Variants in FAM13C observed in about 807,000 individuals in gnomAD.
FAM13C encodes the protein family with sequence similarity 13 member C.
FAM13C carries 37 observed loss-of-function variants against 73.2 expected under a neutral mutation model. The ratio of observed to expected loss-of-function variants is 0.51; its 90% CI spans 0.39 to 0.67. The LOEUF (loss-of-function observed/expected upper bound fraction) is 0.67, where lower values mean the gene tolerates loss of function less well. FAM13C is among the 30% of genes least tolerant of loss of function. The pLI, the probability that FAM13C is intolerant of heterozygous loss-of-function variation, is 0.00. For missense variants in FAM13C, 589 were observed against 715.6 expected (o/e 0.82, Z 2.02); for synonymous variants, 246 against 260.9 (o/e 0.94, Z 0.55).
At position 59,263,112 on chromosome 10, in the gene FAM13C, G is replaced by T. The variant is rs180834702; in HGVS notation, c.1025-467C>A. Among the ~76,000 whole-genome samples the T allele has an allele frequency of 2.0e-5, 3 of 152,340 alleles. 1 individual carries two copies. The highest frequency in any genetic ancestry group is 2.0e-4 in the Admixed American group (3 of 15,302). On this transcript the variant is annotated intron_variant, in intron 9 of 13. Transcript: ENST00000618804. Reference sequence around the variant, plus strand: ...ATACAGGAGAGGATGGGAAAGGGTAGATGGGAGTGTCAGCCTCAACATGAC... The same window carrying T: ...ATACAGGAGAGGATGGGAAAGGGTATATGGGAGTGTCAGCCTCAACATGAC...
chr10:59,312,412 A>G (rs1428379836), intron 4 of FAM13C, among the ~76,000 whole-genome samples: 1 of 152,108 alleles, frequency 6.6e-6, no homozygotes, highest in Non-Finnish European at 1.5e-5. Context: ...TCTTCCCTCC[A>G]TCTTCATTGT....
At chr10:59,266,238 CGCA>C (rs1843049950) in intron 8 of FAM13C, among the ~76,000 whole-genome samples, 6 of 152,256 alleles carry the variant, frequency 3.9e-5, no homozygotes, top group Admixed American at 3.9e-4. Context: ...GTGTGGCTGA[CGCA>C]GCCTTTTCTT....
chr10:59,286,589 G>C (rs1014702904), intron 5 of FAM13C, among the ~76,000 whole-genome samples: 1 of 148,052 alleles, frequency 6.8e-6, no homozygotes, highest in South Asian at 2.2e-4. Context: ...CTGGTGCTGG[G>C]GGGTGGGACA....
In FAM13C at chr10:59,254,416, T is replaced by C; in HGVS notation, c.1264A>G (p.Lys422Glu). ...KVTKQDKNLI[K>E]PLYDRYRIIK... ...ATTCTGTATCGGTCATAAAGCGGCT[T>C]TATGAGGTTCTTGTCTTGCTTAGTT... is the stretch of plus-strand genomic sequence containing the variant. Residue 422 changes from lysine (K) to glutamate (E), a missense_variant, in exon 11 of 14, where the codon AAG becomes GAG. Coordinates refer to ENST00000618804, the MANE Select transcript of FAM13C (RefSeq NM_198215.4). The C allele has an allele frequency of 6.4e-7, 1 of 1,552,428 alleles. No homozygotes were observed. The highest frequency in any genetic ancestry group is 8.7e-7 in the Non-Finnish European group (1 of 1,148,314).
chr10:59,339,134 G>A (rs948064009), intron 3 of FAM13C, among the ~76,000 whole-genome samples: 2 of 152,014 alleles, frequency 1.3e-5, no homozygotes, highest in African/African-American at 2.4e-5. Flanking sequence ...GTCTCTCTGT[G>A]TCTGCTCCTC....
chr10:59,252,238 C>T (rs1339570691), intron 12 of FAM13C, among the ~76,000 whole-genome samples: 1 of 152,124 alleles, frequency 6.6e-6, no homozygotes, highest in Non-Finnish European at 1.5e-5. Flanking sequence ...TATACACAAG[C>T]ATACCCAAAC....
At chr10:59,285,833 G>A (rs1170139456) in intron 5 of FAM13C, among the ~76,000 whole-genome samples, 2 of 152,208 alleles carry the variant, frequency 1.3e-5, no homozygotes, top group African/African-American at 4.8e-5. Flanking sequence ...AAGGCCATGT[G>A]AGAAGGCAGC....
intron 2 of FAM13C, 84 bp from the exon 3 acceptor site, chr10:59,352,558 T>C (rs1434845223): frequency 3.6e-6 from 5 of 1,381,570 alleles, no homozygotes; most frequent in Non-Finnish European, 3.8e-6. Context: ...GAGATATTCA[T>C]TGCTGCTATA....
chr10:59,362,633 C>T, upstream of FAM13C: 1 of 1,413,514 alleles, frequency 7.1e-7, no homozygotes, highest in Admixed American at 2.8e-5. Context: ...CCCAGCGGCA[C>T]GGGCGAACCA....
At chr10:59,362,295 G>T in intron 1 of FAM13C, 104 bp downstream of exon 1, 2 of 1,453,726 alleles carry the variant, frequency 1.4e-6, no homozygotes, top group Non-Finnish European at 9.4e-7. Flanking sequence ...GGGAGACAAT[G>T]CATCTAAAAC....
intron 4 of FAM13C, among the ~76,000 whole-genome samples, chr10:59,321,798 T>G (rs1332202880): frequency 2.0e-5 from 3 of 152,182 alleles, no homozygotes; most frequent in Non-Finnish European, 2.9e-5. Context: ...TTCTGAAGAC[T>G]GACTACTCCT....
At chr10:59,355,758 A>G in intron 2 of FAM13C, 129 bp downstream of exon 2, 1 of 951,174 alleles carries the variant, frequency 1.1e-6, no homozygotes, top group Non-Finnish European at 1.6e-6. Context: ...GTAAAAATCT[A>G]GTAGAAGAGA....
intron 3 of FAM13C, among the ~76,000 whole-genome samples, chr10:59,338,605 T>C (rs371542204): frequency 1.2e-4 from 18 of 152,334 alleles, no homozygotes; most frequent in African/African-American, 4.3e-4. Flanking sequence ...AGCCATGTTG[T>C]AGCTAATTCT....
At chr10:59,335,608 T>C (rs1852615788) in intron 3 of FAM13C, among the ~76,000 whole-genome samples, 1 of 152,196 alleles carries the variant, frequency 6.6e-6, no homozygotes, top group East Asian at 1.9e-4. Context: ...AGGTGAATGA[T>C]GTTGAGAATA....
intron 4 of FAM13C, among the ~76,000 whole-genome samples, chr10:59,310,138 C>T (rs964324140): frequency 1.3e-5 from 2 of 152,114 alleles, no homozygotes; most frequent in African/African-American, 4.8e-5. Flanking sequence ...AGAATCAGAG[C>T]CTTAGAACTG....
chr10:59,310,330 A>T (rs1440109783), intron 4 of FAM13C, among the ~76,000 whole-genome samples: 1 of 152,200 alleles, frequency 6.6e-6, no homozygotes. Context: ...TCCCAAGAGG[A>T]CAACCCTCTG....
At chr10:59,313,106 A>T (rs1849124634) in intron 4 of FAM13C, among the ~76,000 whole-genome samples, 1 of 152,194 alleles carries the variant, frequency 6.6e-6, no homozygotes, top group Admixed American at 6.5e-5. Context: ...TCAAAACTTG[A>T]GGGGGAATGA....
At chr10:59,291,628 A>G (rs1026489198) in intron 5 of FAM13C, among the ~76,000 whole-genome samples, 2 of 148,698 alleles carry the variant, frequency 1.3e-5, no homozygotes, top group African/African-American at 2.5e-5. Context: ...ATACAATAAT[A>G]AAACCCACAT....
Position 59,247,473 on chromosome 10 carries a change from C to G in FAM13C, c.*141G>C. 1 of 978,212 alleles carries G rather than the reference C, an allele frequency of 1.0e-6. No individual in the cohort carries two copies. The highest frequency in any genetic ancestry group is 1.6e-6 in the Non-Finnish European group (1 of 640,012). The allele number at this position is 978,212 out of a possible 1,614,324, so 60.6% of individuals were successfully genotyped here. On this transcript the variant is annotated 3_prime_UTR_variant, in exon 14 of 14. Coordinates refer to ENST00000618804, the MANE Select transcript of FAM13C (RefSeq NM_198215.4). ...TTCTCCTTGTATATAATTAAACTTG[C>G]TATTCCTTCTTAAAAACAGCTAATA...
Sources: gnomAD v4.1 joint callset for allele counts (sites outside exome capture counted in the v4.1 genomes callset) on GRCh38, gnomAD v4.1.1 for gene constraint, MANE v1.5 for transcripts, NCBI Gene and HGNC (gene_info 2026-07-23, HGNC 2026-07-21) for gene names.